Variants in TERB2 observed in about 807,000 individuals in gnomAD.
TERB2 encodes telomere repeat binding bouquet formation protein 2.
TERB2 carries 26 observed loss-of-function variants against 29.8 expected under a neutral mutation model. The observed-to-expected ratio is 0.87, with a 90% confidence interval of 0.64 to 1.21. The LOEUF is 1.21. Ranked by LOEUF, TERB2 falls within the 50% of genes most tolerant of loss-of-function variation. TERB2 has a pLI of 0.00. For missense variants in TERB2, 240 were observed against 268.6 expected (o/e 0.89, Z 0.74); for synonymous variants, 80 against 90.8 (o/e 0.88, Z 0.68).
rs1202821110 is a variant in TERB2, at chr15:44,960,448, G to A, written c.287-1075G>A. Among the ~76,000 whole-genome samples the A allele has an allele frequency of 6.6e-5, 10 of 152,260 alleles. No homozygotes were observed. The East Asian group carries it at 7.7e-4, about 12-fold the overall frequency. Reference sequence around the variant, plus strand: ...GAACCCAGGAATTTGAGGCTGCAGTGCACCATGATCACCCCTGTGAATAGC... The same window carrying A: ...GAACCCAGGAATTTGAGGCTGCAGTACACCATGATCACCCCTGTGAATAGC... On this transcript the variant is annotated intron_variant, in intron 3 of 6. Coordinates refer to ENST00000340827, the MANE Select transcript of TERB2 (RefSeq NM_152448.3).
chr15:44,959,492 T>G (rs113595911), intron 3 of TERB2, among the ~76,000 whole-genome samples: 1 of 152,022 alleles, frequency 6.6e-6, no homozygotes, highest in Non-Finnish European at 1.5e-5. Context: ...CTCAGCCTCC[T>G]AAGTAGCTGG....
At chr15:44,958,915 G>A (rs1026461223) in intron 3 of TERB2, among the ~76,000 whole-genome samples, 8 of 152,126 alleles carry the variant, frequency 5.3e-5, no homozygotes, top group East Asian at 3.9e-4. Flanking sequence ...GCGGTAGGGC[G>A]TGCCTGTAAT....
intron 4 of TERB2, among the ~76,000 whole-genome samples, chr15:44,963,463 A>C (rs1256093789): frequency 6.6e-6 from 1 of 152,192 alleles, no homozygotes; most frequent in African/African-American, 2.4e-5. Context: ...TTAATGTCAT[A>C]AAATACAAAA....
intron 4 of TERB2, among the ~76,000 whole-genome samples, chr15:44,962,432 G>C (rs1891820557): frequency 6.6e-6 from 1 of 150,416 alleles, no homozygotes; most frequent in South Asian, 2.1e-4. Flanking sequence ...CTCGTGATCC[G>C]CCCGCCTCGG....
chr15:44,962,618 G>A (rs928888458), intron 4 of TERB2, among the ~76,000 whole-genome samples: 19 of 152,014 alleles, frequency 1.2e-4, no homozygotes, highest in African/African-American at 2.9e-4. Flanking sequence ...ATTCTGGTTC[G>A]GGGGCTGCCT....
rs1467065783 is a variant in TERB2, at chr15:44,973,889, A to AC, written c.458dup (p.Pro154SerfsTer17). 45 of 1,597,736 alleles carry AC rather than the reference A, an allele frequency of 2.8e-5. No individual in the cohort carries two copies. The highest frequency in any genetic ancestry group is 3.8e-5 in the Non-Finnish European group (44 of 1,170,946). On this transcript the variant is annotated frameshift_variant, in exon 6 of 7. Transcript: ENST00000340827. LOFTEE classifies it high-confidence loss of function. ...CAGCCCAGAAAAGCATTTTATAAGA[A>AC]CTCCAGTTGTAGAAAAGCAGATGTA...
rs1172129224 is a variant in TERB2 at position 44,961,488 on chromosome 15, C to T, written c.287-35C>T. On this transcript the variant is annotated intron_variant, in intron 3 of 6. Coordinates refer to ENST00000340827, the MANE Select transcript of TERB2 (RefSeq NM_152448.3). ...TTCAGAAGATTCTTAAAAAAAAAAA[C>T]CAAAACAGTATTGGATTTGTTTTTC... The T allele has an allele frequency of 3.5e-6, 5 of 1,430,706 alleles. No individual in the cohort carries two copies. The Admixed American group carries it at 9.1e-5, about 26-fold the overall frequency. 88.6% of individuals were successfully genotyped at this position (1,430,706 alleles called of 1,614,324 possible).
Position 44,978,750 on chromosome 15 carries a change from C to T in TERB2, c.*122C>T, listed in dbSNP as rs1892081971. On this transcript the variant is annotated 3_prime_UTR_variant, in exon 7 of 7. Transcript: ENST00000340827. Reference sequence around the variant, plus strand: ...GAAATGGGAAATAATTTTTCTGTTTCTCAAAGTATATCTTTAGGAAATACA... The same window carrying T: ...GAAATGGGAAATAATTTTTCTGTTTTTCAAAGTATATCTTTAGGAAATACA... 8.1e-7 allele frequency: 1 copy of T among 1,232,242 alleles called. No homozygotes were observed. Among genetic ancestry groups the T allele is most frequent in the Non-Finnish European group, 1.1e-6 (1 of 950,324 alleles). 76.3% of individuals were successfully genotyped at this position (1,232,242 alleles called of 1,614,324 possible). A position where few individuals can be genotyped will look rare whatever the true frequency, so the allele number is the denominator to read the frequency against.
At chr15:44,963,309 T>C (rs1595475851) in intron 4 of TERB2, among the ~76,000 whole-genome samples, 1 of 152,258 alleles carries the variant, frequency 6.6e-6, no homozygotes, top group East Asian at 1.9e-4. Flanking sequence ...CAGTCAGATA[T>C]GATATAATAA....
chr15:44,965,181 A>AG (rs1891865879), intron 4 of TERB2, among the ~76,000 whole-genome samples: 1 of 145,628 alleles, frequency 6.9e-6, no homozygotes, highest in Non-Finnish European at 1.5e-5. Context: ...AAAAAAAAAA[A>AG]AAAAAAAGAA....
intron 6 of TERB2, among the ~76,000 whole-genome samples, chr15:44,977,563 CAAGAGCTCCTAAA>C (rs2141246061): frequency 6.6e-6 from 1 of 152,248 alleles, no homozygotes; most frequent in South Asian, 2.1e-4. Flanking sequence ...AATAGTGCTT[CAAGAGCTCCTAAA>C]GTAAATGACC....
chr15:44,964,022 G>A (rs1891847420), intron 4 of TERB2, among the ~76,000 whole-genome samples: 1 of 151,898 alleles, frequency 6.6e-6, no homozygotes, highest in African/African-American at 2.4e-5. Context: ...TGTTGGCCGG[G>A]ATGGTCTCAA....
chr15:44,973,166 C>CCACT (rs1891996074), intron 5 of TERB2, among the ~76,000 whole-genome samples: 1 of 152,140 alleles, frequency 6.6e-6, no homozygotes, highest in Admixed American at 6.6e-5. Context: ...CAGGTGTGAG[C>CCACT]CACTGCGCCT....
At chr15:44,966,627 T>A (rs1457909603) in intron 5 of TERB2, among the ~76,000 whole-genome samples, 1 of 152,174 alleles carries the variant, frequency 6.6e-6, no homozygotes, top group Non-Finnish European at 1.5e-5. Context: ...TATTTAAAAA[T>A]TATACGTATC....
At chr15:44,961,215 TACACACACACACACAC>T (rs1248325306) in intron 3 of TERB2, among the ~76,000 whole-genome samples, 2 of 132,796 alleles carry the variant, frequency 1.5e-5, no homozygotes, top group African/African-American at 6.0e-5. Context: ...TATATATATA[TACACACACACACACAC>T]ATCTAATGTA....
chr15:44,958,254 A>G (rs1891750269), intron 2 of TERB2, 119 bp from the exon 3 acceptor site: 3 of 1,244,092 alleles, frequency 2.4e-6, no homozygotes, highest in Non-Finnish European at 1.1e-6. Flanking sequence ...AAAGGACAGC[A>G]TACATGTATG....
intron 4 of TERB2, among the ~76,000 whole-genome samples, chr15:44,962,347 A>ATT (rs34169916): frequency 0.017 from 2,329 of 137,046 alleles, 20 homozygotes; most frequent in Middle Eastern, 0.033. Flanking sequence ...AAGCCCAGCT[A>ATT]TTTTTTTTTT....
At chr15:44,959,078 T>C (rs1056439221) in intron 3 of TERB2, among the ~76,000 whole-genome samples, 2 of 152,202 alleles carry the variant, frequency 1.3e-5, no homozygotes, top group East Asian at 1.9e-4. Context: ...TTAAGGTGTC[T>C]GATGTGAGCA....
intron 4 of TERB2, among the ~76,000 whole-genome samples, chr15:44,964,249 C>T (rs1443899304): frequency 1.3e-5 from 2 of 152,016 alleles, no homozygotes; most frequent in Non-Finnish European, 2.9e-5. Context: ...TACATTATGT[C>T]CAAAATCAGG....
Sources: allele counts gnomAD v4.1 joint callset (sites outside exome capture counted in the v4.1 genomes callset), GRCh38; gene constraint gnomAD v4.1.1; transcripts MANE v1.5; gene names NCBI Gene and HGNC (gene_info 2026-07-23, HGNC 2026-07-21).